Variants in STX10 observed in about 807,000 individuals in gnomAD.
The protein encoded by STX10 is syntaxin 10, also known as syntaxin-10.
STX10 carries 35 observed loss-of-function variants against 34.1 expected under a neutral mutation model. That is an observed-to-expected ratio of 1.03 (90% CI 0.78 to 1.36). The LOEUF is 1.36. STX10 is among the 40% of genes most tolerant of loss of function. The pLI, the probability that STX10 is intolerant of heterozygous loss-of-function variation, is 0.00. For synonymous variants in STX10, 155 were observed against 132.9 expected, an observed-to-expected ratio of 1.17 and a Z score of -1.15; for missense variants, 361 against 335.5, an observed-to-expected ratio of 1.08 and a Z score of -0.59.
chr19:13,149,972 C>T lies in STX10; in HGVS notation c.36-75G>A, dbSNP rs891136027. ...CCTGCCTCTGCCCCCGACTGCAAAC[C>T]CAAACGCATGGGGGACTCCGGAGAC... On this transcript the variant is annotated intron_variant, in intron 1 of 7. Coordinates refer to ENST00000587230, the MANE Select transcript of STX10 (RefSeq NM_003765.3). 7.3e-6 allele frequency: 11 copies of T among 1,508,884 alleles called. No homozygotes were observed. In the Middle Eastern group the frequency reaches 6.6e-4, roughly 91 times the overall value. The allele number at this position is 1,508,884 out of a possible 1,614,324, so 93.5% of individuals were successfully genotyped here. A position where few individuals can be genotyped will look rare whatever the true frequency, so the allele number is the denominator to read the frequency against.
At position 13,144,236 on chromosome 19, in the gene STX10, T is replaced by C; in HGVS notation, c.*174A>G. The C allele has an allele frequency of 2.4e-6, 2 of 840,782 alleles. No individual in the cohort carries two copies. The highest frequency in any genetic ancestry group is 2.9e-5 in the Admixed American group (1 of 34,638). The allele number at this position is 840,782 out of a possible 1,614,324, so 52.1% of individuals were successfully genotyped here. A position where few individuals can be genotyped will look rare whatever the true frequency, so the allele number is the denominator to read the frequency against. The stretch of plus-strand genomic sequence containing the variant: ...CAGTGGTGGTGGTTCCAGCCCAGGG[T>C]CCTGAAGGGTCCCACTGGCTCTAGG... On this transcript the variant is annotated 3_prime_UTR_variant, in exon 8 of 8. Transcript: ENST00000587230.
Position 13,144,167 on chromosome 19 carries a change from G to A in STX10, c.*243C>T. 1.8e-6 allele frequency: 1 copy of A among 563,488 alleles called. No individual in the cohort carries two copies. Among genetic ancestry groups the A allele is most frequent in the African/African-American group, 1.9e-5 (1 of 53,658 alleles). The allele number at this position is 563,488 out of a possible 1,614,324, so 34.9% of individuals were successfully genotyped here. On this transcript the variant is annotated 3_prime_UTR_variant, in exon 8 of 8. Coordinates refer to ENST00000587230, the MANE Select transcript of STX10 (RefSeq NM_003765.3). Reference sequence around the variant, plus strand: ...GGAAATGGAGACAGGTGTGTCTCAGGTGTCCCTGCCTCCACCACCCCCTAA... The same window carrying A: ...GGAAATGGAGACAGGTGTGTCTCAGATGTCCCTGCCTCCACCACCCCCTAA...
intron 3 of STX10, 108 bp from the exon 4 acceptor site, chr19:13,149,199 G>A: frequency 1.0e-6 from 1 of 993,186 alleles, no homozygotes; most frequent in Non-Finnish European, 1.5e-6. Flanking sequence ...ATCACCTGAG[G>A]TCAGGAGTTC....
In STX10 at chr19:13,149,781, C is replaced by CGCAGCTCATTGGTCGTCCAGT; in HGVS notation, c.131_151dup (p.Leu50_Arg51insHisTrpThrThrAsnGluLeu). ...CCACTCGATGCTGCGCAGGCCATTCCGCAGCTCATTGGTCGTCCAGTCCAG... is the reference window on the plus strand; with the variant it reads ...CCACTCGATGCTGCGCAGGCCATTCCGCAGCTCATTGGTCGTCCAGTGCAGCTCATTGGTCGTCCAGTCCAG... On this transcript the variant is annotated inframe_insertion, in exon 2 of 8. Transcript: ENST00000587230. 1 of 1,614,152 alleles carries CGCAGCTCATTGGTCGTCCAGT rather than the reference C, an allele frequency of 6.2e-7. No homozygotes were observed. The highest frequency in any genetic ancestry group is 2.2e-5 in the East Asian group (1 of 44,868).
rs995767880 is a variant in STX10, at chr19:13,150,052, C to A, written c.35+87G>T. ...TCTGCACCCCGACGGCCTTGCCCAG[C>A]CCGCCGGGCACGCTGGGGCCGGCAC... On this transcript the variant is annotated intron_variant, in intron 1 of 7. Coordinates refer to ENST00000587230, the MANE Select transcript of STX10 (RefSeq NM_003765.3). This position sits in a 1 kb window ranked among gnomAD's most constrained non-coding sequence, Gnocchi z 4.0. The A allele has an allele frequency of 2.4e-6, 3 of 1,240,984 alleles. No individual in the cohort carries two copies. In the Admixed American group the frequency reaches 6.0e-5, roughly 25 times the overall value. The allele number at this position is 1,240,984 out of a possible 1,614,324, so 76.9% of individuals were successfully genotyped here.
At position 13,149,092 on chromosome 19, in the gene STX10, C is replaced by A. The variant is rs1201337482; in HGVS notation, c.301-1G>T. The A allele has an allele frequency of 6.3e-7, 1 of 1,593,740 alleles. No individual in the cohort carries two copies. The highest frequency in any genetic ancestry group is 2.3e-5 in the East Asian group (1 of 43,924). On this transcript the variant is annotated splice_acceptor_variant, in intron 3 of 7. Transcript: ENST00000587230. LOFTEE classifies it high-confidence loss of function. ...GGCTGACCATATGGTCCTTCATTTC[C>A]TGGAGGTAAGGACAGCATTAGGGAG...
intron 4 of STX10, among the ~76,000 whole-genome samples, chr19:13,148,546 G>A (rs565370413): frequency 6.6e-6 from 1 of 150,610 alleles, no homozygotes; most frequent in South Asian, 2.1e-4. Context: ...CTGGCATGGT[G>A]ACGAGCACCT....
chr19:13,149,027 AC>A lies in STX10; in HGVS notation c.363+1del. 6.2e-7 allele frequency: 1 copy of A among 1,600,598 alleles called. No individual in the cohort carries two copies. Among genetic ancestry groups the A allele is most frequent in the Middle Eastern group, 1.7e-4 (1 of 6,038 alleles). ...TGGGCAGGGTGGGTCAGGAAGGCTT[AC>A]CTCTCTGTTATTCCTCTCCAAAAAT... On this transcript the variant is annotated splice_donor_variant, in intron 4 of 7. Transcript: ENST00000587230. LOFTEE classifies it high-confidence loss of function.
In STX10 at chr19:13,144,146, A is replaced by G; in HGVS notation, c.*264T>C. On this transcript the variant is annotated 3_prime_UTR_variant, in exon 8 of 8. Transcript: ENST00000587230. The stretch of plus-strand genomic sequence containing the variant: ...TGGCTTTGGGGTCCTGGAACTGGAA[A>G]TGGAGACAGGTGTGTCTCAGGTGTC... 1 of 526,708 alleles carries G rather than the reference A, an allele frequency of 1.9e-6. No individual in the cohort carries two copies. The highest frequency in any genetic ancestry group is 2.9e-5 in the South Asian group (1 of 35,004). 32.6% of individuals were successfully genotyped at this position (526,708 alleles called of 1,614,324 possible).
At chr19:13,147,492 G>A (rs2019927696) in intron 4 of STX10, among the ~76,000 whole-genome samples, 1 of 151,602 alleles carries the variant, frequency 6.6e-6, no homozygotes, top group Admixed American at 6.6e-5. Flanking sequence ...CTGGCCGGGC[G>A]CGGTGGCTCA....
At chr19:13,145,249 G>C in intron 5 of STX10, 39 bp downstream of exon 5, 1 of 1,574,126 alleles carries the variant, frequency 6.4e-7, no homozygotes, top group African/African-American at 1.3e-5. Context: ...AGTCTGCAAG[G>C]CTCTCCCCTC....
At chr19:13,149,373 C>T (rs2145642142) in intron 3 of STX10, 126 bp downstream of exon 3, 7 of 827,290 alleles carry the variant, frequency 8.5e-6, no homozygotes, top group South Asian at 7.3e-5. Flanking sequence ...GATTGCAACA[C>T]TGTACTCCAG....
intron 5 of STX10, 106 bp downstream of exon 5, chr19:13,145,182 A>G (rs1406637713): frequency 9.0e-7 from 1 of 1,106,184 alleles, no homozygotes; most frequent in Non-Finnish European, 1.3e-6. Flanking sequence ...CTGGGCGACA[A>G]AGCGAAACTC....
chr19:13,145,185 C>A, intron 5 of STX10, 103 bp downstream of exon 5: 1 of 1,141,136 alleles, frequency 8.8e-7, no homozygotes, highest in Non-Finnish European at 1.2e-6. Context: ...GGCGACAAAG[C>A]GAAACTCCAT....
At position 13,149,401 on chromosome 19, in the gene STX10, G is replaced by A. The variant is rs991661814; in HGVS notation, c.300+98C>T. The A allele has an allele frequency of 3.1e-6, 3 of 972,316 alleles. No individual in the cohort carries two copies. In the African/African-American group the frequency reaches 5.7e-5, roughly 19 times the overall value. 60.2% of individuals were successfully genotyped at this position (972,316 alleles called of 1,614,324 possible). A position where few individuals can be genotyped will look rare whatever the true frequency, so the allele number is the denominator to read the frequency against. ...TACTCCAGCCTGGGCGACAGAGCGAGGCTCTGTCTCAAAAAAAAAAAAAAA... is the reference window on the plus strand; with the variant it reads ...TACTCCAGCCTGGGCGACAGAGCGAAGCTCTGTCTCAAAAAAAAAAAAAAA... On this transcript the variant is annotated intron_variant, in intron 3 of 7. Transcript: ENST00000587230.
chr19:13,144,512 C>G (rs182093138), intron 7 of STX10, 26 bp from the exon 8 acceptor site: 1 of 1,613,646 alleles, frequency 6.2e-7, no homozygotes. Flanking sequence ...TCAGGGGTCA[C>G]GGGGAGAGGG....
Position 13,144,830 on chromosome 19 carries a change from G to C in STX10, c.512C>G (p.Ser171Cys). Residue 171 changes from serine to cysteine, a missense_variant, in exon 6 of 8, where the codon TCT becomes TGT. Ser to Cys is a moderately radical substitution (Grantham distance 112). Coordinates refer to ENST00000587230, the MANE Select transcript of STX10 (RefSeq NM_003765.3). ...GTGCTTCAGAACCTGGATGCTCCCAGACACCATCTCCAGCTGTTGATCCTG... is the reference window on the plus strand; with the variant it reads ...GTGCTTCAGAACCTGGATGCTCCCACACACCATCTCCAGCTGTTGATCCTG... ...DEQDQQLEMV[S>C]GSIQVLKHMS... 1.2e-6 allele frequency: 2 copies of C among 1,613,990 alleles called. No homozygotes were observed. Among genetic ancestry groups the C allele is most frequent in the Non-Finnish European group, 1.7e-6 (2 of 1,180,004 alleles).
intron 5 of STX10, 93 bp downstream of exon 5, chr19:13,145,195 T>C (rs2019869336): frequency 3.2e-6 from 4 of 1,231,834 alleles, no homozygotes; most frequent in Non-Finnish European, 4.6e-6. Context: ...CGAAACTCCA[T>C]ATCAACAACA....
rs2020034274 is a variant in STX10 at position 13,150,266 on chromosome 19, GC to G, written c.-94del. On this transcript the variant is annotated 5_prime_UTR_variant, in exon 1 of 8. Transcript: ENST00000587230. This position sits in a 1 kb window ranked among gnomAD's most constrained non-coding sequence, Gnocchi z 4.0. The stretch of plus-strand genomic sequence containing the variant: ...CCGAGGAGAACGCGCCGCCACCCCC[GC>G]CCCCGTCACGCCACCATCGAGAGCC... 1.5e-6 allele frequency: 1 copy of G among 657,316 alleles called. No homozygotes were observed. The highest frequency in any genetic ancestry group is 2.8e-6 in the Non-Finnish European group (1 of 357,440). 40.7% of individuals were successfully genotyped at this position (657,316 alleles called of 1,614,324 possible).
Sources: allele counts gnomAD v4.1 joint callset (sites outside exome capture counted in the v4.1 genomes callset), GRCh38; gene constraint gnomAD v4.1.1; non-coding constraint Gnocchi (gnomAD v3.1); transcripts MANE v1.5; gene names NCBI Gene and HGNC (gene_info 2026-07-23, HGNC 2026-07-21).